ACP5: variants seen among roughly 807,000 people sequenced by gnomAD.
The protein encoded by ACP5 is tartrate-resistant acid phosphatase type 5.
A neutral mutation model predicts 28.7 loss-of-function variants in ACP5; 24 were observed. The ratio of observed to expected loss-of-function variants is 0.84; its 90% CI spans 0.61 to 1.18. The LOEUF (loss-of-function observed/expected upper bound fraction) is 1.18. ACP5 is among the 50% of genes most tolerant of loss of function. The pLI, the probability that ACP5 is intolerant of heterozygous loss-of-function variation, is 0.00. For synonymous variants in ACP5, 154 were observed against 181.4 expected (o/e 0.85, Z 1.21); for missense variants, 354 against 422.2 (o/e 0.84, Z 1.42).
chr19:11,576,006 CAAAAAAAAA>C (rs3035420), intron 4 of ACP5, among the ~76,000 whole-genome samples: 3 of 52,910 alleles, frequency 5.7e-5, no homozygotes, highest in Non-Finnish European at 1.1e-4. Flanking sequence ...ACCTTGTCTC[CAAAAAAAAA>C]AAAAAAAAAG....
In ACP5 at chr19:11,576,254, G is replaced by T. The variant is rs1973143326; in HGVS notation, c.724C>A (p.His242Asn). 3 of 1,606,524 alleles carry T rather than the reference G, an allele frequency of 1.9e-6. No individual in the cohort carries two copies. The highest frequency in any genetic ancestry group is 2.5e-6 in the Non-Finnish European group (3 of 1,179,970). ...CACAGGGCCCTCACCTGCAGATTGT[G>T]ATCGTGGCCGCACAGGTAGGCAGTG... ...GVTAYLCGHDHNLQYLQDENG... is the reference protein window; with the variant it reads ...GVTAYLCGHDNNLQYLQDENG... The change falls in exon 4 of 5, where the codon CAC becomes AAC. Residue 242 changes from histidine to asparagine, a missense_variant. Transcript: ENST00000648477.
Position 11,577,186 on chromosome 19 carries a change from C to T in ACP5, c.132G>A (p.Thr44=), listed in dbSNP as rs150582430. The T allele has an allele frequency of 1.5e-4, 247 of 1,614,056 alleles. 1 individual carries two copies. The highest frequency in any genetic ancestry group is 3.7e-4 in the Admixed American group (22 of 59,986). ...CCTTGGCATTGGCCATTTCCCGGGC[C>T]GTGTGGAATGGGGCATTGGGGACCC... ...WGGVPNAPFH[T]AREMANAKEI... Residue 44 remains threonine, a synonymous_variant, in exon 2 of 5, where the codon ACG becomes ACA. Coordinates refer to ENST00000648477, the MANE Select transcript of ACP5 (RefSeq NM_001611.5). This position sits in a 1 kb window ranked among gnomAD's most constrained non-coding sequence, Gnocchi z 5.7.
In ACP5 at chr19:11,576,393, G is replaced by C. The variant is rs766688951; in HGVS notation, c.585C>G (p.Ala195=). ...LSWLKKQLAA[A]REDYVLVAGH... Reference sequence around the variant, plus strand: ...CAGCCACCAGCACGTAGTCCTCCCTGGCCGCCGCCAGCTGTTTCTTGAGCC... The same window carrying C: ...CAGCCACCAGCACGTAGTCCTCCCTCGCCGCCGCCAGCTGTTTCTTGAGCC... The change falls in exon 4 of 5, where the codon GCC becomes GCG. Residue 195 remains alanine, a synonymous_variant. Transcript: ENST00000648477. 2.5e-6 allele frequency: 4 copies of C among 1,611,874 alleles called. No homozygotes were observed. The highest frequency in any genetic ancestry group is 3.4e-6 in the Non-Finnish European group (4 of 1,178,702).
Position 11,574,877 on chromosome 19 carries a change from A to G in ACP5, c.*133T>C. On this transcript the variant is annotated 3_prime_UTR_variant, in exon 5 of 5. Transcript: ENST00000648477. ...GGGTCATGTGGCACCACAGTTCATC[A>G]GCTGTGTTTCCCCTTCCTGCCCTGC... 1 of 1,005,570 alleles carries G rather than the reference A, an allele frequency of 9.9e-7. No individual in the cohort carries two copies. The allele number at this position is 1,005,570 out of a possible 1,614,324, so 62.3% of individuals were successfully genotyped here.
At position 11,577,501 on chromosome 19, in the gene ACP5, A is replaced by AG. The variant is rs1212915797; in HGVS notation, c.-1+91dup. On this transcript the variant is annotated intron_variant, in intron 1 of 4. Coordinates refer to ENST00000648477, the MANE Select transcript of ACP5 (RefSeq NM_001611.5). The surrounding 1 kb of genome is among the most constrained non-coding windows in gnomAD (Gnocchi z 5.7). ...AAGGCTGCACAAGCTGGCTTAGGGA[A>AG]GGGGGGCGCGGTCTGTGAGAGGGCG... 7.9e-5 allele frequency: 56 copies of AG among 710,320 alleles called. No homozygotes were observed. The East Asian group carries it at 1.4e-3, about 18-fold the overall frequency. 44.0% of individuals were successfully genotyped at this position (710,320 alleles called of 1,614,324 possible).
chr19:11,578,802 GGA>G (rs1172677306), upstream of ACP5: 1 of 152,392 alleles, frequency 6.6e-6, no homozygotes, highest in Non-Finnish European at 1.5e-5. Flanking sequence ...TGGGTGACGA[GGA>G]CAGGCAGAGA....
intron 4 of ACP5, among the ~76,000 whole-genome samples, chr19:11,575,929 G>A (rs905483444): frequency 8.3e-5 from 12 of 144,902 alleles, no homozygotes; most frequent in African/African-American, 3.1e-4. Context: ...ACCTGAGCCC[G>A]GGAGATTGAA....
intron 4 of ACP5, among the ~76,000 whole-genome samples, chr19:11,575,863 A>G (rs1278397097): frequency 6.6e-6 from 1 of 150,646 alleles, no homozygotes; most frequent in Admixed American, 6.6e-5. Context: ...AATTAGCTGC[A>G]TGTGGTGGCC....
In ACP5 at chr19:11,574,962, C is replaced by G; in HGVS notation, c.*48G>C. On this transcript the variant is annotated 3_prime_UTR_variant, in exon 5 of 5. Coordinates refer to ENST00000648477, the MANE Select transcript of ACP5 (RefSeq NM_001611.5). The stretch of plus-strand genomic sequence containing the variant: ...TGAGCAGGGTCCCGGCAGGGCCCAC[C>G]CACCCAACAGTGGAGATCGGGCCTC... The G allele has an allele frequency of 2.5e-6, 4 of 1,612,476 alleles. No individual in the cohort carries two copies. The highest frequency in any genetic ancestry group is 1.3e-5 in the African/African-American group (1 of 75,028).
chr19:11,577,716 G>C, upstream of ACP5: 1 of 309,994 alleles, frequency 3.2e-6, no homozygotes, highest in South Asian at 3.1e-5. The surrounding 1 kb of genome is among the most constrained non-coding windows in gnomAD (Gnocchi z 5.7). Context: ...GGATGATGCA[G>C]TTTCTCCGAG....
Position 11,574,797 on chromosome 19 carries a change from G to A in ACP5, c.*213C>T. ...TGAGCCAGCCACAGAGCATAACACT[G>A]TGGCTGGGACACATGTCCATGTGTG... On this transcript the variant is annotated 3_prime_UTR_variant, in exon 5 of 5. Coordinates refer to ENST00000648477, the MANE Select transcript of ACP5 (RefSeq NM_001611.5). 5.0e-6 allele frequency: 2 copies of A among 403,776 alleles called. No homozygotes were observed. Among genetic ancestry groups the A allele is most frequent in the East Asian group, 6.3e-5 (1 of 15,962 alleles). 25.0% of individuals were successfully genotyped at this position (403,776 alleles called of 1,614,324 possible).
rs1973170208 is a variant in ACP5, at chr19:11,576,664, C to G, written c.389+52G>C. On this transcript the variant is annotated intron_variant, in intron 3 of 4. Coordinates refer to ENST00000648477, the MANE Select transcript of ACP5 (RefSeq NM_001611.5). Reference sequence around the variant, plus strand: ...AGGGTCAGCTCAAGCCACAGGGCCCCTGTGTCCCTGCTATGTGAGGATCTC... The same window carrying G: ...AGGGTCAGCTCAAGCCACAGGGCCCGTGTGTCCCTGCTATGTGAGGATCTC... The G allele has an allele frequency of 4.3e-6, 7 of 1,613,946 alleles. No individual in the cohort carries two copies. The South Asian group carries it at 6.6e-5, about 15-fold the overall frequency.
At position 11,574,878 on chromosome 19, in the gene ACP5, G is replaced by T; in HGVS notation, c.*132C>A. 9.8e-7 allele frequency: 1 copy of T among 1,018,380 alleles called. No individual in the cohort carries two copies. Among genetic ancestry groups the T allele is most frequent in the Non-Finnish European group, 1.5e-6 (1 of 670,570 alleles). The allele number at this position is 1,018,380 out of a possible 1,614,324, so 63.1% of individuals were successfully genotyped here. ...GGTCATGTGGCACCACAGTTCATCA[G>T]CTGTGTTTCCCCTTCCTGCCCTGCT... On this transcript the variant is annotated 3_prime_UTR_variant, in exon 5 of 5. Coordinates refer to ENST00000648477, the MANE Select transcript of ACP5 (RefSeq NM_001611.5).
In ACP5 at chr19:11,577,151, C is replaced by T. The variant is rs922892618; in HGVS notation, c.167G>A (p.Arg56Gln). The T allele has an allele frequency of 1.3e-5, 21 of 1,614,030 alleles. No individual in the cohort carries two copies. Among genetic ancestry groups the T allele is most frequent in the African/African-American group, 5.3e-5 (4 of 74,934 alleles). The change falls in exon 2 of 5, where the codon CGG becomes CAG. Residue 56 changes from arginine to glutamine, a missense_variant. Arg to Gln is a conservative substitution (Grantham distance 43, BLOSUM62 1). Coordinates refer to ENST00000648477, the MANE Select transcript of ACP5 (RefSeq NM_001611.5). The surrounding 1 kb of genome is among the most constrained non-coding windows in gnomAD (Gnocchi z 5.7). ...REMANAKEIA[R>Q]TVQILGADFI... The stretch of plus-strand genomic sequence containing the variant: ...GTCTGCACCCAGGATCTGCACAGTC[C>T]GAGCGATCTCCTTGGCATTGGCCAT...
At position 11,576,358 on chromosome 19, in the gene ACP5, G is replaced by T; in HGVS notation, c.620C>A (p.Pro207His). The T allele has an allele frequency of 6.2e-7, 1 of 1,610,520 alleles. No homozygotes were observed. Residue 207 changes from proline to histidine, a missense_variant, in exon 4 of 5, where the codon CCC becomes CAC. By Grantham distance (77) the Pro-to-His change is moderately conservative (BLOSUM62 -2). Transcript: ENST00000648477. ...EDYVLVAGHY[P>H]VWSIAEHGPT... ...CCCGTGCTCGGCTATGGACCACACG[G>T]GGTAGTGGCCAGCCACCAGCACGTA...
rs749180050 is a variant in ACP5 at position 11,576,411 on chromosome 19, C to A, written c.567G>T (p.Lys189Asn). 5 of 1,613,308 alleles carry A rather than the reference C, an allele frequency of 3.1e-6. No individual in the cohort carries two copies. In the African/African-American group the frequency reaches 6.7e-5, roughly 22 times the overall value. Residue 189 changes from lysine to asparagine, a missense_variant, in exon 4 of 5, where the codon AAG becomes AAT. Transcript: ENST00000648477. ...KLARTQLSWL[K>N]KQLAAAREDY... ...CCTCCCTGGCCGCCGCCAGCTGTTT[C>A]TTGAGCCAGGACAGCTGTGTGCGGG... is the stretch of plus-strand genomic sequence containing the variant.
rs552208150 is a variant in ACP5 at position 11,574,909 on chromosome 19, G to A, written c.*101C>T. 2.3e-5 allele frequency: 32 copies of A among 1,394,288 alleles called. No individual in the cohort carries two copies. Among genetic ancestry groups the A allele is most frequent in the African/African-American group, 8.5e-5 (6 of 70,320 alleles). 86.4% of individuals were successfully genotyped at this position (1,394,288 alleles called of 1,614,324 possible). A position where few individuals can be genotyped will look rare whatever the true frequency, so the allele number is the denominator to read the frequency against. ...TTTCCCCTTCCTGCCCTGCTGCAGC[G>A]CCACAGGTTGGAGGAAAAGCCTGCC... On this transcript the variant is annotated 3_prime_UTR_variant, in exon 5 of 5. Coordinates refer to ENST00000648477, the MANE Select transcript of ACP5 (RefSeq NM_001611.5).
chr19:11,576,631 G>C (rs754840152), intron 3 of ACP5, 43 bp from the exon 4 acceptor site: 1 of 1,613,492 alleles, frequency 6.2e-7, no homozygotes, highest in African/African-American at 1.3e-5. Context: ...CTTGGGCGCA[G>C]AAGTCCCAGG....
At chr19:11,575,283 A>T in intron 4 of ACP5, 31 bp from the exon 5 acceptor site, 1 of 1,612,672 alleles carries the variant, frequency 6.2e-7, no homozygotes, top group Non-Finnish European at 8.5e-7. Context: ...GTCAGTGGAG[A>T]CCCAGCTTTG....
Sources: gnomAD v4.1 joint callset for allele counts (sites outside exome capture counted in the v4.1 genomes callset) on GRCh38, gnomAD v4.1.1 for gene constraint, Gnocchi (gnomAD v3.1) non-coding constraint, MANE v1.5 for transcripts, NCBI Gene and HGNC (gene_info 2026-07-23, HGNC 2026-07-21) for gene names.